Variants in TBL1Y observed in about 807,000 individuals in gnomAD.
TBL1Y encodes transducin beta like 1 Y-linked.
In TBL1Y, 15 loss-of-function variants were observed where a neutral mutation model predicts 12.0. The ratio of observed to expected loss-of-function variants is 1.25; its 90% CI spans 0.83 to 1.92. The LOEUF (loss-of-function observed/expected upper bound fraction) is 1.92. Ranked by LOEUF, TBL1Y falls within the 40% of genes most tolerant of loss-of-function variation. The pLI is 0.00. For synonymous variants in TBL1Y, 53 were observed against 42.6 expected (o/e 1.24, Z -0.95); for missense variants, 148 against 116.7 (o/e 1.27, Z -1.24).
intron 12 of TBL1Y, among the ~76,000 whole-genome samples, chrY:7,073,039 C>G (rs768464388): frequency 2.9e-5 from 1 of 34,123 alleles, no homozygotes; most frequent in East Asian, 7.6e-4. Flanking sequence ...AATGCTCAGG[C>G]TTCCACGAGA....
intron 6 of TBL1Y, among the ~76,000 whole-genome samples, chrY:7,037,472 T>A: frequency 5.9e-5 from 2 of 34,010 alleles, no homozygotes; most frequent in African/African-American, 2.3e-4. Flanking sequence ...GTTTCTCATT[T>A]TTTTCTATTT....
At chrY:6,962,484 A>G (rs1020526266) in intron 2 of TBL1Y, among the ~76,000 whole-genome samples, 4 of 33,796 alleles carry the variant, frequency 1.2e-4, no homozygotes, top group African/African-American at 4.6e-4. Context: ...AGCCTGTACT[A>G]CATATGCAGT....
chrY:7,041,445 A>T (rs751972979), intron 6 of TBL1Y, among the ~76,000 whole-genome samples: 1 of 33,792 alleles, frequency 3.0e-5, no homozygotes, highest in South Asian at 6.8e-4. Context: ...CACTTTGCCA[A>T]AGACCTCAAT....
chrY:7,087,022 AT>A (rs2013143122), intron 16 of TBL1Y, among the ~76,000 whole-genome samples: 1 of 26,392 alleles, frequency 3.8e-5, no homozygotes, highest in Non-Finnish European at 8.5e-5. Context: ...CATATATTAT[AT>A]TTTTTATATA....
intron 14 of TBL1Y, among the ~76,000 whole-genome samples, chrY:7,083,270 C>G (rs975317045): frequency 1.5e-4 from 5 of 33,725 alleles, no homozygotes; most frequent in Non-Finnish European, 2.9e-4. Context: ...GGAGGCAACC[C>G]AGGAACTGGG....
At chrY:6,924,530 G>T (rs773930243) in intron 2 of TBL1Y, among the ~76,000 whole-genome samples, 1 of 27,911 alleles carries the variant, frequency 3.6e-5, no homozygotes, top group South Asian at 9.5e-4. Flanking sequence ...AAAGCTTTCA[G>T]TGAGCCGAGA....
At chrY:7,007,295 A>T in intron 4 of TBL1Y, among the ~76,000 whole-genome samples, 1 of 34,064 alleles carries the variant, frequency 2.9e-5, no homozygotes, top group Non-Finnish European at 7.3e-5. Context: ...ATTTACTTAT[A>T]TGACTATTTT....
At chrY:7,075,901 A>T in intron 13 of TBL1Y, among the ~76,000 whole-genome samples, 1 of 32,212 alleles carries the variant, frequency 3.1e-5, no homozygotes, top group East Asian at 8.3e-4. Context: ...AAATATGCCC[A>T]AGGTAAACAT....
intron 2 of TBL1Y, among the ~76,000 whole-genome samples, chrY:6,944,850 C>G: frequency 3.0e-5 from 1 of 33,425 alleles, no homozygotes. Flanking sequence ...CATAATGCTT[C>G]TGTGAACTTC....
chrY:6,994,480 G>A, intron 3 of TBL1Y, among the ~76,000 whole-genome samples: 1 of 33,311 alleles, frequency 3.0e-5, no homozygotes, highest in Non-Finnish European at 7.4e-5. Context: ...CGGCTAAACT[G>A]TTGTTCCAGG....
At chrY:7,055,206 C>G (rs2012819689) in intron 7 of TBL1Y, among the ~76,000 whole-genome samples, 1 of 33,615 alleles carries the variant, frequency 3.0e-5, no homozygotes, top group African/African-American at 1.2e-4. Context: ...AATTTCCTGT[C>G]ATAGCTGAAG....
chrY:6,951,084 A>C, intron 2 of TBL1Y, among the ~76,000 whole-genome samples: 1 of 33,370 alleles, frequency 3.0e-5, no homozygotes, highest in Non-Finnish European at 7.4e-5. Context: ...TTGGTTTCCC[A>C]GTATTTTGTT....
rs1038248025 is a variant in TBL1Y, at chrY:6,912,148, C to G, written c.-290C>G. 8 of 34,328 alleles carry G rather than the reference C, an allele frequency of 2.3e-4. No individual in the cohort carries two copies. Among genetic ancestry groups the G allele is most frequent in the Non-Finnish European group, 7.3e-5 (1 of 13,764 alleles). The allele number at this position is 34,328 out of a possible 400,897, so 8.6% of individuals were successfully genotyped here. On this transcript the variant is annotated 5_prime_UTR_variant, in exon 2 of 19. Transcript: ENST00000383032. ...TCAGCCTGGAAGGCGAGGGGCAGGACTCCCCAGACAGTGGCCTCAGTGTGG... is the reference window on the plus strand; with the variant it reads ...TCAGCCTGGAAGGCGAGGGGCAGGAGTCCCCAGACAGTGGCCTCAGTGTGG...
At chrY:7,064,783 G>T (rs184804870) in intron 8 of TBL1Y, among the ~76,000 whole-genome samples, 14 of 33,127 alleles carry the variant, frequency 4.2e-4, no homozygotes, top group Non-Finnish European at 8.9e-4. Context: ...TGGGTGGGAG[G>T]GTGTGTATAT....
At chrY:7,015,789 T>C (rs955341395) in intron 4 of TBL1Y, among the ~76,000 whole-genome samples, 4 of 33,989 alleles carry the variant, frequency 1.2e-4, no homozygotes, top group African/African-American at 4.6e-4. Flanking sequence ...ATTTTTCAGA[T>C]GACACATGCT....
chrY:6,914,034 A>C, intron 2 of TBL1Y, among the ~76,000 whole-genome samples: 1 of 33,017 alleles, frequency 3.0e-5, no homozygotes, highest in African/African-American at 1.2e-4. Context: ...GTCATATTGG[A>C]TAGCAGGAAA....
intron 2 of TBL1Y, among the ~76,000 whole-genome samples, chrY:6,969,155 C>G (rs2012188822): frequency 6.0e-5 from 2 of 33,541 alleles, no homozygotes; most frequent in African/African-American, 1.2e-4. Flanking sequence ...AAAAAGGAAG[C>G]AACTGTGGAC....
At position 7,086,425 on chromosome Y, in the gene TBL1Y, C is replaced by A. The variant is rs770288598; in HGVS notation, c.1280+8C>A. On this transcript the variant is annotated splice_region_variant and intron_variant, in intron 16 of 18. Coordinates refer to ENST00000383032, the MANE Select transcript of TBL1Y (RefSeq NM_033284.2). ...CAGCATCATGTTGGCAAGGTAAGGG[C>A]CGGCAGCACAACTGGTACAGCTCCG... 2 of 380,455 alleles carry A rather than the reference C, an allele frequency of 5.3e-6. No individual in the cohort carries two copies. Among genetic ancestry groups the A allele is most frequent in the Non-Finnish European group, 7.4e-6 (2 of 271,690 alleles). The allele number at this position is 380,455 out of a possible 400,897, so 94.9% of individuals were successfully genotyped here.
chrY:6,964,546 G>A (rs9786094), intron 2 of TBL1Y, among the ~76,000 whole-genome samples: 4,952 of 33,001 alleles, frequency 0.15, no homozygotes, highest in African/African-American at 0.57. Flanking sequence ...ATGGACAACA[G>A]GATAAGTAGC....
Sources: gnomAD v4.1 joint callset for allele counts (sites outside exome capture counted in the v4.1 genomes callset) on GRCh38, gnomAD v4.1.1 for gene constraint, MANE v1.5 for transcripts, NCBI Gene and HGNC (gene_info 2026-07-23, HGNC 2026-07-21) for gene names.